The following KSR2 variants were observed in gnomAD, a reference collection of about 807,000 sequenced individuals.
The protein encoded by KSR2 is kinase suppressor of ras 2.
In KSR2, 25 loss-of-function variants were observed where a neutral mutation model predicts 107.8. The observed-to-expected ratio is 0.23, with a 90% CI of 0.17 to 0.32. KSR2 has a LOEUF of 0.32. Among genes scored for constraint, KSR2 ranks in the 10% least tolerant of loss-of-function variants. The pLI is 1.00. For synonymous variants in KSR2, 480 were observed against 507.0 expected, an observed-to-expected ratio of 0.95 and a Z score of 0.71; for missense variants, 887 against 1,268.9, an observed-to-expected ratio of 0.70 and a Z score of 4.57.
In KSR2 at chr12:117,689,926, C is replaced by T. The variant is rs180703156; in HGVS notation, c.987-22268G>A. Among the ~76,000 whole-genome samples the T allele has an allele frequency of 5.3e-5, 8 of 151,350 alleles. No homozygotes were observed. The East Asian group carries it at 1.6e-3, about 29-fold the overall frequency. On this transcript the variant is annotated intron_variant, in intron 4 of 19. Transcript: ENST00000339824. ...AATCTTTTACAGTGAAAATGCCTAG[C>T]ATGTGTGTAATGCATGTGTGATTTG...
chr12:117,632,459 T>A (rs373876411), intron 5 of KSR2, among the ~76,000 whole-genome samples: 33 of 151,980 alleles, frequency 2.2e-4, no homozygotes, highest in Admixed American at 1.1e-3. Flanking sequence ...AACTCCTGAC[T>A]TCATGATCAA....
chr12:117,707,038 G>A (rs1481588743), intron 4 of KSR2, among the ~76,000 whole-genome samples: 1 of 152,226 alleles, frequency 6.6e-6, no homozygotes, highest in Non-Finnish European at 1.5e-5. Flanking sequence ...TTGTGTGTGT[G>A]TGCAAAATGG....
Position 117,968,491 on chromosome 12 carries a change from C to T in KSR2, c.-236G>A, listed in dbSNP as rs1896865673. 1 of 1,284,354 alleles carries T rather than the reference C, an allele frequency of 7.8e-7. No homozygotes were observed. The highest frequency in any genetic ancestry group is 3.9e-5 in the Admixed American group (1 of 25,410). 79.6% of individuals were successfully genotyped at this position (1,284,354 alleles called of 1,614,324 possible). Reference sequence around the variant, plus strand: ...TCAAGCGGACTCCATTAGAATGTCTCCTCTCTCTCTGAGTCTCTGGTCCCT... The same window carrying T: ...TCAAGCGGACTCCATTAGAATGTCTTCTCTCTCTCTGAGTCTCTGGTCCCT... On this transcript the variant is annotated 5_prime_UTR_variant, in exon 1 of 20. Coordinates refer to ENST00000339824, the MANE Select transcript of KSR2 (RefSeq NM_173598.6).
Position 117,907,426 on chromosome 12 carries a change from A to T in KSR2, c.181-46995T>A, listed in dbSNP as rs995158361. The stretch of plus-strand genomic sequence containing the variant: ...CTGCGTGCTCAAGACGACGCTCAGC[A>T]GGTATCTCAGGTGAGATCTGGTTTC... On this transcript the variant is annotated intron_variant, in intron 1 of 19. Coordinates refer to ENST00000339824, the MANE Select transcript of KSR2 (RefSeq NM_173598.6). This position sits in a 1 kb window ranked among gnomAD's most constrained non-coding sequence, Gnocchi z 4.3. Among the ~76,000 whole-genome samples the T allele has an allele frequency of 2.0e-5, 3 of 152,194 alleles. No individual in the cohort carries two copies. The highest frequency in any genetic ancestry group is 7.2e-5 in the African/African-American group (3 of 41,462).
chr12:117,507,417 C>T (rs1435887997), intron 14 of KSR2, among the ~76,000 whole-genome samples: 2 of 152,206 alleles, frequency 1.3e-5, no homozygotes, highest in South Asian at 4.1e-4. Flanking sequence ...CCCCAAAGGA[C>T]ATTCATTCTT....
intron 1 of KSR2, among the ~76,000 whole-genome samples, chr12:117,879,806 G>A (rs1893970010): frequency 6.6e-6 from 1 of 152,178 alleles, no homozygotes; most frequent in Admixed American, 6.6e-5. Context: ...GTTGCAATTG[G>A]GAGCACACAT....
At chr12:117,817,401 A>G (rs1475782643) in intron 3 of KSR2, among the ~76,000 whole-genome samples, 1 of 152,020 alleles carries the variant, frequency 6.6e-6, no homozygotes, top group Non-Finnish European at 1.5e-5. Flanking sequence ...CGATGTTCCC[A>G]AGTAAAAACA....
At chr12:117,846,608 A>G (rs1211297737) in intron 3 of KSR2, among the ~76,000 whole-genome samples, 1 of 151,994 alleles carries the variant, frequency 6.6e-6, no homozygotes, top group African/African-American at 2.4e-5. Flanking sequence ...CCAACTTGAT[A>G]TTTTTCTTAT....
rs892814967 is a variant in KSR2, at chr12:117,731,767, T to C, written c.986+29244A>G. Among the ~76,000 whole-genome samples the C allele has an allele frequency of 5.3e-5, 8 of 151,990 alleles. No homozygotes were observed. The East Asian group carries it at 1.2e-3, about 22-fold the overall frequency. ...CCCGTGCTCTCTGAAACATGTGCTGTGTCCACTCAGGGTTAAATGGATTAA... is the reference window on the plus strand; with the variant it reads ...CCCGTGCTCTCTGAAACATGTGCTGCGTCCACTCAGGGTTAAATGGATTAA... On this transcript the variant is annotated intron_variant, in intron 4 of 19. Coordinates refer to ENST00000339824, the MANE Select transcript of KSR2 (RefSeq NM_173598.6).
chr12:117,878,354 A>C (rs1043341876), intron 1 of KSR2, among the ~76,000 whole-genome samples: 10 of 152,100 alleles, frequency 6.6e-5, no homozygotes, highest in African/African-American at 2.4e-4. Context: ...GCCCCCTCTT[A>C]ATCATTCACC....
At chr12:117,654,554 T>C (rs1439936540) in intron 5 of KSR2, among the ~76,000 whole-genome samples, 5 of 152,164 alleles carry the variant, frequency 3.3e-5, no homozygotes, top group Non-Finnish European at 1.5e-5. Context: ...TGGGCAGAAC[T>C]TCGAGCAGTG....
chr12:117,915,143 T>G (rs985222144), intron 1 of KSR2, among the ~76,000 whole-genome samples: 2 of 152,208 alleles, frequency 1.3e-5, no homozygotes, highest in African/African-American at 4.8e-5. Flanking sequence ...TTATCTCAGT[T>G]CAGGCTTTTA....
rs1005764770 is a variant in KSR2, at chr12:117,907,509, G to A, written c.181-47078C>T. On this transcript the variant is annotated intron_variant, in intron 1 of 19. Transcript: ENST00000339824. The surrounding 1 kb of genome is among the most constrained non-coding windows in gnomAD (Gnocchi z 4.3). ...CAACACCATCCGCTAACTAATCTAC[G>A]GGGCTGGATTGACGTCAGCCACAGT... Among the ~76,000 whole-genome samples the A allele has an allele frequency of 6.6e-6, 1 of 152,120 alleles. No individual in the cohort carries two copies. The highest frequency in any genetic ancestry group is 2.4e-5 in the African/African-American group (1 of 41,426).
intron 1 of KSR2, among the ~76,000 whole-genome samples, chr12:117,953,672 T>C (rs1440372821): frequency 6.6e-6 from 1 of 151,700 alleles, no homozygotes; most frequent in African/African-American, 2.4e-5. Context: ...TACAGGGGAG[T>C]TACTGCTTAA....
chr12:117,541,944 G>A (rs1192872124), intron 9 of KSR2, among the ~76,000 whole-genome samples: 1 of 151,996 alleles, frequency 6.6e-6, no homozygotes, highest in Admixed American at 6.6e-5. Context: ...GGAGGGTAAT[G>A]GCACAATCAC....
At chr12:117,616,940 T>C (rs1206239911) in intron 5 of KSR2, among the ~76,000 whole-genome samples, 1 of 152,220 alleles carries the variant, frequency 6.6e-6, no homozygotes, top group African/African-American at 2.4e-5. Flanking sequence ...TGTGCATTAA[T>C]GTAATGAACA....
intron 14 of KSR2, among the ~76,000 whole-genome samples, chr12:117,490,304 T>C (rs1239497223): frequency 2.0e-5 from 3 of 152,186 alleles, no homozygotes; most frequent in Admixed American, 1.3e-4. Flanking sequence ...CTGGGTGACC[T>C]TCAGAAATGA....
chr12:117,785,148 C>T (rs1813200866), intron 3 of KSR2, among the ~76,000 whole-genome samples: 1 of 152,188 alleles, frequency 6.6e-6, no homozygotes, highest in Non-Finnish European at 1.5e-5. Context: ...GGCATGATGG[C>T]TCACGCCTGT....
intron 1 of KSR2, among the ~76,000 whole-genome samples, chr12:117,923,742 T>C (rs989665464): frequency 2.0e-5 from 3 of 152,056 alleles, no homozygotes; most frequent in Non-Finnish European, 2.9e-5. Context: ...ATAATGAGAA[T>C]TGACTGTAAT....
Sources: gnomAD v4.1 joint callset for allele counts (sites outside exome capture counted in the v4.1 genomes callset) on GRCh38, gnomAD v4.1.1 for gene constraint, Gnocchi (gnomAD v3.1) non-coding constraint, MANE v1.5 for transcripts, NCBI Gene and HGNC (gene_info 2026-07-23, HGNC 2026-07-21) for gene names.